Variants in CWC27 observed in about 807,000 individuals in gnomAD.
CWC27 encodes the protein spliceosome-associated protein CWC27 homolog.
Under a neutral mutation model 63.6 loss-of-function variants are expected in CWC27, and 47 were observed. The ratio of observed to expected loss-of-function variants is 0.74; its 90% CI spans 0.58 to 0.94. The LOEUF (loss-of-function observed/expected upper bound fraction) is 0.94, where lower values mean the gene tolerates loss of function less well. Among genes scored for constraint, CWC27 ranks in the 40% least tolerant of loss-of-function variants. CWC27 has a pLI of 0.00. For missense variants in CWC27, 495 were observed against 554.3 expected (o/e 0.89, Z 1.07); for synonymous variants, 175 against 179.8 (o/e 0.97, Z 0.22).
At chr5:64,794,881 A>G (rs187169081) in intron 7 of CWC27, among the ~76,000 whole-genome samples, 12 of 152,286 alleles carry the variant, frequency 7.9e-5, no homozygotes, top group Non-Finnish European at 1.5e-5. Flanking sequence ...CAAGATAACT[A>G]GTTTTTATGA....
chr5:64,911,034 C>T (rs757243482), intron 11 of CWC27, among the ~76,000 whole-genome samples: 5 of 152,282 alleles, frequency 3.3e-5, no homozygotes, highest in South Asian at 2.1e-4. Flanking sequence ...TCTTCTGCAT[C>T]GATCATGCTG....
At position 64,906,749 on chromosome 5, in the gene CWC27, C is replaced by A. The variant is rs6887510; in HGVS notation, c.1042+21203C>A. On this transcript the variant is annotated intron_variant, in intron 11 of 13. Coordinates refer to ENST00000381070, the MANE Select transcript of CWC27 (RefSeq NM_005869.4). ...TTTAGTCATGAAGTCATTACCCACG[C>A]CTATGTCCTGAATGGTATTGCCTAG... 3.8e-3 allele frequency among the ~76,000 whole-genome samples: 582 copies of A among 152,282 alleles called. 2 individuals carry two copies. Among genetic ancestry groups the A allele is most frequent in the African/African-American group, 0.012 (502 of 41,554 alleles).
At chr5:64,831,515 C>T (rs200794453) in intron 10 of CWC27, among the ~76,000 whole-genome samples, 43 of 113,270 alleles carry the variant, frequency 3.8e-4, no homozygotes, top group East Asian at 1.1e-3. Context: ...GATAGATAGA[C>T]AGACACATAG....
intron 11 of CWC27, among the ~76,000 whole-genome samples, chr5:64,890,048 A>G (rs1002070977): frequency 2.6e-5 from 4 of 152,190 alleles, no homozygotes; most frequent in African/African-American, 9.6e-5. Context: ...CAAACTGAAC[A>G]TAGTCACATA....
At chr5:64,837,900 T>C (rs1745698256) in intron 10 of CWC27, among the ~76,000 whole-genome samples, 1 of 152,134 alleles carries the variant, frequency 6.6e-6, no homozygotes, top group African/African-American at 2.4e-5. Context: ...TTCAGTCTTT[T>C]GGATGTCATA....
At chr5:64,888,858 A>G (rs1470420070) in intron 11 of CWC27, among the ~76,000 whole-genome samples, 1 of 152,082 alleles carries the variant, frequency 6.6e-6, no homozygotes, top group Non-Finnish European at 1.5e-5. Flanking sequence ...TATTTATAAA[A>G]CTCAAAGGTA....
intron 13 of CWC27, among the ~76,000 whole-genome samples, chr5:64,979,380 A>G (rs2112448830): frequency 6.6e-6 from 1 of 152,312 alleles, no homozygotes; most frequent in East Asian, 1.9e-4. Context: ...TAACAAAAAT[A>G]CCTTCCATGT....
intron 10 of CWC27, among the ~76,000 whole-genome samples, chr5:64,878,207 C>T (rs1250737105): frequency 6.6e-6 from 1 of 151,634 alleles, no homozygotes; most frequent in Non-Finnish European, 1.5e-5. Context: ...CTTCCCAAGA[C>T]CCCCACCCAA....
intron 11 of CWC27, among the ~76,000 whole-genome samples, chr5:64,910,057 T>C (rs1351607926): frequency 6.6e-6 from 1 of 152,228 alleles, no homozygotes; most frequent in African/African-American, 2.4e-5. Context: ...TTTCCCATCT[T>C]TGTGGTTTTA....
At chr5:64,838,134 A>C (rs145243523) in intron 10 of CWC27, among the ~76,000 whole-genome samples, 8 of 152,280 alleles carry the variant, frequency 5.3e-5, no homozygotes, top group African/African-American at 1.9e-4. Flanking sequence ...TGCTTTTACT[A>C]TCTTAGTTTT....
chr5:64,812,086 T>A (rs141064338), intron 10 of CWC27, among the ~76,000 whole-genome samples: 56 of 152,202 alleles, frequency 3.7e-4, no homozygotes, highest in Non-Finnish European at 6.9e-4. Flanking sequence ...ATTCTCTTAC[T>A]TTATGGTTAG....
chr5:64,984,733 A>G (rs1749392636), intron 13 of CWC27, among the ~76,000 whole-genome samples: 1 of 152,102 alleles, frequency 6.6e-6, no homozygotes, highest in South Asian at 2.1e-4. Context: ...CAAGTTTTTT[A>G]TCAGATATGT....
chr5:64,933,326 A>G (rs1748276578), intron 11 of CWC27, among the ~76,000 whole-genome samples: 1 of 152,184 alleles, frequency 6.6e-6, no homozygotes, highest in African/African-American at 2.4e-5. Context: ...TTCAATCCAG[A>G]AGAGATAGTT....
intron 10 of CWC27, among the ~76,000 whole-genome samples, chr5:64,811,392 A>G (rs1393015496): frequency 6.6e-6 from 1 of 152,132 alleles, no homozygotes; most frequent in Non-Finnish European, 1.5e-5. Context: ...GGATGATTAC[A>G]GCATTATAGT....
In CWC27 at chr5:64,904,432, A is replaced by G. The variant is rs183058380; in HGVS notation, c.1042+18886A>G. Among the ~76,000 whole-genome samples the G allele has an allele frequency of 3.8e-3, 584 of 152,382 alleles. 2 individuals are homozygous for G. Among genetic ancestry groups the G allele is most frequent in the African/African-American group, 0.012 (503 of 41,596 alleles). On this transcript the variant is annotated intron_variant, in intron 11 of 13. Coordinates refer to ENST00000381070, the MANE Select transcript of CWC27 (RefSeq NM_005869.4). ...AAATCTGAAGACTTGATTTAAGTAG[A>G]GAATCTACTAAGATGACTCATTCTC...
intron 2 of CWC27, among the ~76,000 whole-genome samples, chr5:64,779,802 A>AT: frequency 6.6e-6 from 1 of 152,042 alleles, no homozygotes; most frequent in Non-Finnish European, 1.5e-5. Context: ...TCATAGGGGC[A>AT]TTTTCTCCCT....
chr5:64,874,839 AAG>A (rs1184156937), intron 10 of CWC27, among the ~76,000 whole-genome samples: 1 of 151,460 alleles, frequency 6.6e-6, no homozygotes, highest in Non-Finnish European at 1.5e-5. Flanking sequence ...GTTGAGTCAC[AAG>A]AGAGTTTTCA....
At chr5:64,820,844 A>G (rs975887393) in intron 10 of CWC27, among the ~76,000 whole-genome samples, 12 of 152,100 alleles carry the variant, frequency 7.9e-5, no homozygotes, top group Admixed American at 5.2e-4. Flanking sequence ...GAAAATCTGT[A>G]TGAACTTGGG....
At chr5:64,927,877 G>A (rs1441134079) in intron 11 of CWC27, among the ~76,000 whole-genome samples, 1 of 152,058 alleles carries the variant, frequency 6.6e-6, no homozygotes, top group East Asian at 1.9e-4. Context: ...GCAGTCAGCC[G>A]GGCACGGTGG....
Sources: allele counts gnomAD v4.1 joint callset (sites outside exome capture counted in the v4.1 genomes callset), GRCh38; gene constraint gnomAD v4.1.1; transcripts MANE v1.5; gene names NCBI Gene and HGNC (gene_info 2026-07-23, HGNC 2026-07-21).